PCDHA6: variants seen among roughly 807,000 people sequenced by gnomAD.
PCDHA6 encodes protocadherin alpha-6.
Under a neutral mutation model 60.3 loss-of-function variants are expected in PCDHA6, and 55 were observed. The ratio of observed to expected loss-of-function variants is 0.91; its 90% confidence interval spans 0.73 to 1.14. The LOEUF is 1.14. Among genes scored for constraint, PCDHA6 ranks in the 50% most tolerant of loss-of-function variants. The probability of loss-of-function intolerance (pLI) is 0.00; values close to 1 mark genes in which losing one functional copy is unlikely to be tolerated. For missense variants in PCDHA6, 1,327 were observed against 1,256.5 expected (o/e 1.06, Z -0.85); for synonymous variants, 652 against 557.9 (o/e 1.17, Z -2.38).
At chr5:140,918,759 G>A (rs931610210) in intron 1 of PCDHA6, among the ~76,000 whole-genome samples, 7 of 152,130 alleles carry the variant, frequency 4.6e-5, no homozygotes, top group Non-Finnish European at 1.0e-4. Context: ...CCAGAGAGGT[G>A]CCTTGCCTCT....
intron 1 of PCDHA6, among the ~76,000 whole-genome samples, chr5:140,940,000 G>A (rs1442780881): frequency 6.6e-6 from 1 of 152,080 alleles, no homozygotes; most frequent in Non-Finnish European, 1.5e-5. Context: ...CTTGGATTTT[G>A]TCAATTTTTT....
chr5:140,901,642 C>T lies in PCDHA6; in HGVS notation c.2394+71157C>T, dbSNP rs369623028. Among the ~76,000 whole-genome samples, 37 of 152,054 alleles carry T rather than the reference C, an allele frequency of 2.4e-4. No individual in the cohort carries two copies. In the East Asian group the frequency reaches 3.3e-3, roughly 13 times the overall value. On this transcript the variant is annotated intron_variant, in intron 1 of 3. Transcript: ENST00000529310. ...TTGAAGTCAGGTAATGTGATTCTTC[C>T]GGTTTTGTTCTTTTTGCTCAAGATA...
At chr5:140,850,249 T>TGGGC in intron 1 of PCDHA6, 1 of 1,593,502 alleles carries the variant, frequency 6.3e-7, no homozygotes, top group Non-Finnish European at 8.6e-7. Context: ...CTGCGGTCGG[T>TGGGC]GGGCGCCGGC....
chr5:140,979,110 C>A, intron 2 of PCDHA6, 103 bp downstream of exon 2: 1 of 1,515,726 alleles, frequency 6.6e-7, no homozygotes, highest in East Asian at 2.3e-5. Flanking sequence ...AACTAAAAAG[C>A]TTTAGGTACT....
At chr5:140,905,635 A>T (rs2071990855) in intron 1 of PCDHA6, among the ~76,000 whole-genome samples, 1 of 152,206 alleles carries the variant, frequency 6.6e-6, no homozygotes, top group Non-Finnish European at 1.5e-5. Context: ...CAGTATGGTC[A>T]GTTTCACAGT....
chr5:140,971,652 G>A (rs1554233517), intron 1 of PCDHA6, among the ~76,000 whole-genome samples: 1 of 152,134 alleles, frequency 6.6e-6, no homozygotes, highest in African/African-American at 2.4e-5. Context: ...ATTAAAAGTA[G>A]ATGGGAATTA....
intron 1 of PCDHA6, among the ~76,000 whole-genome samples, chr5:140,886,827 G>GAAA (rs782016620): frequency 3.3e-5 from 2 of 60,922 alleles, no homozygotes; most frequent in Non-Finnish European, 6.7e-5. Flanking sequence ...ACTTCGTCTT[G>GAAA]AAAAAAAAAA....
chr5:140,910,858 T>C (rs947258615), intron 1 of PCDHA6, among the ~76,000 whole-genome samples: 3 of 152,190 alleles, frequency 2.0e-5, no homozygotes, highest in Non-Finnish European at 4.4e-5. Context: ...CTATGTTCCA[T>C]CCACCATTAT....
At chr5:140,953,903 C>T (rs755692840) in intron 1 of PCDHA6, among the ~76,000 whole-genome samples, 1 of 152,120 alleles carries the variant, frequency 6.6e-6, no homozygotes, top group Non-Finnish European at 1.5e-5. Context: ...TTAAGCCCAG[C>T]ATCCATTAGG....
chr5:140,988,495 G>GT (rs2097300130), intron 3 of PCDHA6, among the ~76,000 whole-genome samples: 1 of 152,158 alleles, frequency 6.6e-6, no homozygotes, highest in Non-Finnish European at 1.5e-5. Context: ...CTACCTAGGA[G>GT]AAGCCATGAA....
intron 1 of PCDHA6, among the ~76,000 whole-genome samples, chr5:140,952,925 G>T (rs144855694): frequency 8.2e-4 from 125 of 152,200 alleles, no homozygotes; most frequent in African/African-American, 2.8e-3. Flanking sequence ...GGCATGAGCA[G>T]GAGCAGGAGC....
intron 1 of PCDHA6, among the ~76,000 whole-genome samples, chr5:140,897,659 G>A: frequency 6.6e-6 from 1 of 152,230 alleles, no homozygotes; most frequent in South Asian, 2.1e-4. Flanking sequence ...ACGTGTGCAT[G>A]TGTCTTTATA....
chr5:140,828,159 C>G lies in PCDHA6; in HGVS notation c.68C>G (p.Ala23Gly), dbSNP rs2150151568. The change falls in exon 1 of 4, where the codon GCC becomes GGC. Residue 23 changes from alanine (A) to glycine (G), a missense_variant. Transcript: ENST00000529310. ...CLLLPLLLLA[A>G]WKVGSGQLHY... Reference sequence around the variant, plus strand: ...CTCCTCCCGCTTCTGCTCCTCGCAGCCTGGAAGGTGGGGAGCGGCCAGCTC... The same window carrying G: ...CTCCTCCCGCTTCTGCTCCTCGCAGGCTGGAAGGTGGGGAGCGGCCAGCTC... 4 of 1,614,180 alleles carry G rather than the reference C, an allele frequency of 2.5e-6. No individual in the cohort carries two copies.
chr5:140,850,140 G>C (rs2150469344), intron 1 of PCDHA6: 2 of 1,595,708 alleles, frequency 1.3e-6, no homozygotes, highest in East Asian at 2.2e-5. Flanking sequence ...GGGCAGCAAC[G>C]TGACGCTGCA....
chr5:140,869,072 G>T, intron 1 of PCDHA6: 4 of 1,574,396 alleles, frequency 2.5e-6, no homozygotes, highest in Non-Finnish European at 2.6e-6. Flanking sequence ...TAAGTGTAAA[G>T]AAGCTTATTT....
intron 3 of PCDHA6, among the ~76,000 whole-genome samples, chr5:141,007,506 T>A (rs1370245633): frequency 6.6e-6 from 1 of 151,948 alleles, no homozygotes; most frequent in Non-Finnish European, 1.5e-5. Flanking sequence ...AGGCAGAGAC[T>A]GCAGTGAGCT....
intron 1 of PCDHA6, chr5:140,883,816 G>A (rs1217152310): frequency 1.9e-6 from 3 of 1,612,522 alleles, no homozygotes; most frequent in Non-Finnish European, 2.5e-6. Context: ...AGAGCGGCAA[G>A]GTGTACGCGC....
chr5:140,905,152 G>T (rs2071629879), intron 1 of PCDHA6, among the ~76,000 whole-genome samples: 1 of 152,154 alleles, frequency 6.6e-6, no homozygotes. Context: ...TTATATTTTA[G>T]AATTTTCATG....
At chr5:140,941,957 A>G (rs1254816482) in intron 1 of PCDHA6, among the ~76,000 whole-genome samples, 1 of 152,234 alleles carries the variant, frequency 6.6e-6, no homozygotes, top group Non-Finnish European at 1.5e-5. Flanking sequence ...TGAAAACAAT[A>G]GTATCTTTAC....
Sources: allele counts gnomAD v4.1 joint callset (sites outside exome capture counted in the v4.1 genomes callset), GRCh38; gene constraint gnomAD v4.1.1; transcripts MANE v1.5; gene names NCBI Gene and HGNC (gene_info 2026-07-23, HGNC 2026-07-21).